Variants in DYNC1H1 observed in about 807,000 individuals in gnomAD.
DYNC1H1 encodes the protein cytoplasmic dynein 1 heavy chain 1.
A neutral mutation model predicts 527.1 loss-of-function variants in DYNC1H1; 51 were observed. The ratio of observed to expected loss-of-function variants is 0.10; its 90% CI spans 0.08 to 0.12. The LOEUF (loss-of-function observed/expected upper bound fraction) is 0.12, where lower values mean the gene tolerates loss of function less well. Ranked by LOEUF, DYNC1H1 falls within the 10% of genes least tolerant of loss-of-function variation. The pLI is 1.00. For missense variants in DYNC1H1, 2,771 were observed against 5,971.8 expected (o/e 0.46, Z 17.66); for synonymous variants, 2,189 against 2,278.8 (o/e 0.96, Z 1.12).
rs1189846612 is a variant in DYNC1H1, at chr14:102,056,270, A to C, written c.*5707A>C. 2 of 152,258 alleles carry C rather than the reference A, an allele frequency of 1.3e-5. No individual in the cohort carries two copies. The highest frequency in any genetic ancestry group is 4.8e-5 in the African/African-American group (2 of 41,456). 9.4% of individuals were successfully genotyped at this position (152,258 alleles called of 1,614,324 possible). A position where few individuals can be genotyped will look rare whatever the true frequency, so the allele number is the denominator to read the frequency against. On this transcript the variant is annotated 3_prime_UTR_variant, in exon 78 of 78. Transcript: ENST00000360184. ...TCTGTTTCACTCTGACTACCAGTGC[A>C]TGAAACCCCTGTCACGTATCCCCCA...
At position 102,040,602 on chromosome 14, in the gene DYNC1H1, T is replaced by C. The variant is rs2048637475; in HGVS notation, c.11870T>C (p.Phe3957Ser). 4 of 1,614,176 alleles carry C rather than the reference T, an allele frequency of 2.5e-6. No homozygotes were observed. Among genetic ancestry groups the C allele is most frequent in the East Asian group, 2.2e-5 (1 of 44,890 alleles). The change falls in exon 64 of 78, where the codon TTT (phenylalanine) becomes TCT (serine). Residue 3957 changes from phenylalanine to serine, a missense_variant. Transcript: ENST00000360184. Reference protein sequence around the residue: ...LIAKVQADEQFGIWLDSSSPE... With the variant: ...LIAKVQADEQSGIWLDSSSPE... ...CTTCCACTATTGTCTCCACAGCAAT[T>C]TGGCATCTGGCTGGACAGCAGCTCC...
Position 102,038,964 on chromosome 14 carries a change from G to T in DYNC1H1, c.11207-37G>T. On this transcript the variant is annotated intron_variant, in intron 59 of 77. Transcript: ENST00000360184. The surrounding 1 kb of genome is among the most constrained non-coding windows in gnomAD (Gnocchi z 7.2). The stretch of plus-strand genomic sequence containing the variant: ...CACTTCTGAGAGCATACCTTTTGAA[G>T]GATTATTGCAAACTCTGGATGTTTT... 1.2e-6 allele frequency: 2 copies of T among 1,613,912 alleles called. No individual in the cohort carries two copies. The highest frequency in any genetic ancestry group is 3.3e-4 in the Middle Eastern group (2 of 6,062).
rs190094426 is a variant in DYNC1H1, at chr14:102,019,921, A to T, written c.8372A>T (p.His2791Leu). Residue 2791 changes from histidine to leucine, a missense_variant, in exon 42 of 78, where the codon CAC (histidine) becomes CTC (leucine). His to Leu is a moderately conservative substitution (Grantham distance 99). Transcript: ENST00000360184. ...AGATTCACCCAGGATACACAACCTC[A>T]CTATATCTATTCACCCCGTGAAATG... ...QERFTQDTQPHYIYSPREMTR... is the reference protein window; with the variant it reads ...QERFTQDTQPLYIYSPREMTR... 1.2e-6 allele frequency: 2 copies of T among 1,614,004 alleles called. No homozygotes were observed. Among genetic ancestry groups the T allele is most frequent in the Non-Finnish European group, 8.5e-7 (1 of 1,180,000 alleles).
Position 102,011,243 on chromosome 14 carries a change from C to A in DYNC1H1, c.6618+291C>A. On this transcript the variant is annotated intron_variant, in intron 32 of 77. Transcript: ENST00000360184. The surrounding 1 kb of genome is among the most constrained non-coding windows in gnomAD (Gnocchi z 5.3). ...TTATACTGATAAAAATTCTGCTTAC[C>A]AGACTTTCCAGTGCCAGAGATGAAC... The A allele has an allele frequency of 2.3e-6, 1 of 444,154 alleles. No homozygotes were observed. Among genetic ancestry groups the A allele is most frequent in the Non-Finnish European group, 4.2e-6 (1 of 239,446 alleles). The allele number at this position is 444,154 out of a possible 1,614,324, so 27.5% of individuals were successfully genotyped here. A position where few individuals can be genotyped will look rare whatever the true frequency, so the allele number is the denominator to read the frequency against.
At chr14:102,025,145 G>C (rs922497812) in intron 43 of DYNC1H1, among the ~76,000 whole-genome samples, 1 of 151,864 alleles carries the variant, frequency 6.6e-6, no homozygotes, top group Admixed American at 6.6e-5. Flanking sequence ...AGACCAGCCT[G>C]CCCAACGTGG....
At chr14:101,981,712 A>G (rs2047866780) in intron 5 of DYNC1H1, among the ~76,000 whole-genome samples, 1 of 152,212 alleles carries the variant, frequency 6.6e-6, no homozygotes, top group African/African-American at 2.4e-5. Flanking sequence ...CGCATTCACT[A>G]TGCTGAAATG....
chr14:102,008,017 T>G (rs1183808795), intron 28 of DYNC1H1, among the ~76,000 whole-genome samples, 161 bp from the exon 29 acceptor site: 2 of 152,196 alleles, frequency 1.3e-5, no homozygotes, highest in Non-Finnish European at 2.9e-5. Flanking sequence ...GCCCCAACCC[T>G]TATGGCCTCA....
In DYNC1H1 at chr14:102,011,752, A is replaced by AG; in HGVS notation, c.6619-121dup. ...GGGTGACAGAGAGAGACTCCGTTTC[A>AG]GGAAAAAAAAAAAAATCCACACATA... On this transcript the variant is annotated intron_variant, in intron 32 of 77. Transcript: ENST00000360184. The surrounding 1 kb of genome is among the most constrained non-coding windows in gnomAD (Gnocchi z 5.3). 9.6e-7 allele frequency: 1 copy of AG among 1,045,112 alleles called. No homozygotes were observed. The highest frequency in any genetic ancestry group is 1.4e-6 in the Non-Finnish European group (1 of 696,278). The allele number at this position is 1,045,112 out of a possible 1,614,324, so 64.7% of individuals were successfully genotyped here.
At chr14:102,013,862 TA>T (rs955775515) in intron 34 of DYNC1H1, among the ~76,000 whole-genome samples, 68 of 152,256 alleles carry the variant, frequency 4.5e-4, no homozygotes, top group African/African-American at 1.5e-3. Flanking sequence ...GGTGACTGAC[TA>T]TGGCTGGAGT....
At position 102,038,672 on chromosome 14, in the gene DYNC1H1, G is replaced by C. The variant is rs1465638002; in HGVS notation, c.11056-26G>C. On this transcript the variant is annotated intron_variant, in intron 58 of 77. Transcript: ENST00000360184. This position sits in a 1 kb window ranked among gnomAD's most constrained non-coding sequence, Gnocchi z 7.2. Reference sequence around the variant, plus strand: ...GTGGTTTTGAAACTGGATTAAGACAGACTGTTCTGTTACCTATTTTGGCAG... The same window carrying C: ...GTGGTTTTGAAACTGGATTAAGACACACTGTTCTGTTACCTATTTTGGCAG... 6.2e-7 allele frequency: 1 copy of C among 1,614,236 alleles called. No homozygotes were observed. Among genetic ancestry groups the C allele is most frequent in the East Asian group, 2.2e-5 (1 of 44,880 alleles).
chr14:102,025,913 C>A (rs2048444540), intron 43 of DYNC1H1, among the ~76,000 whole-genome samples: 1 of 152,084 alleles, frequency 6.6e-6, no homozygotes, highest in Non-Finnish European at 1.5e-5. Flanking sequence ...GTCAAGAGAT[C>A]AAGACCATCC....
In DYNC1H1 at chr14:102,010,236, A is replaced by G. The variant is rs1490889843; in HGVS notation, c.6222-40A>G. ...ACTTGACCCTATTATTGCTTAAAGT[A>G]TACTGTTATTAAAGATAGCCTTTTT... On this transcript the variant is annotated intron_variant, in intron 30 of 77. Transcript: ENST00000360184. The surrounding 1 kb of genome is among the most constrained non-coding windows in gnomAD (Gnocchi z 6.0). 2 of 1,613,656 alleles carry G rather than the reference A, an allele frequency of 1.2e-6. No individual in the cohort carries two copies. The highest frequency in any genetic ancestry group is 1.1e-5 in the South Asian group (1 of 91,014).
intron 56 of DYNC1H1, chr14:102,035,232 A>G (rs755485332): frequency 6.6e-6 from 1 of 152,360 alleles, no homozygotes; most frequent in Non-Finnish European, 1.5e-5. Context: ...TCCGTCTCAA[A>G]AAAATAAAAA....
Position 102,017,886 on chromosome 14 carries a change from C to G in DYNC1H1, c.8177+382C>G. ...CTTTGGGAGGCCGAAGCGGGCAGAT[C>G]ACGAGGTCAGGAGGTTGAGGCCATC... On this transcript the variant is annotated intron_variant, in intron 40 of 77. Transcript: ENST00000360184. The surrounding 1 kb of genome is among the most constrained non-coding windows in gnomAD (Gnocchi z 4.6). 3.0e-6 allele frequency: 1 copy of G among 337,696 alleles called. No individual in the cohort carries two copies. Among genetic ancestry groups the G allele is most frequent in the Non-Finnish European group, 5.7e-6 (1 of 174,286 alleles). The allele number at this position is 337,696 out of a possible 1,614,324, so 20.9% of individuals were successfully genotyped here. A position where few individuals can be genotyped will look rare whatever the true frequency, so the allele number is the denominator to read the frequency against.
rs2048464989 is a variant in DYNC1H1 at position 102,027,610 on chromosome 14, G to A, written c.9049-9G>A. 1.2e-6 allele frequency: 2 copies of A among 1,614,088 alleles called. No homozygotes were observed. The highest frequency in any genetic ancestry group is 2.7e-5 in the African/African-American group (2 of 74,936). On this transcript the variant is annotated splice_polypyrimidine_tract_variant and intron_variant, in intron 46 of 77. Transcript: ENST00000360184. The surrounding 1 kb of genome is among the most constrained non-coding windows in gnomAD (Gnocchi z 7.7). Reference sequence around the variant, plus strand: ...GGGACCAGTAAGTCAGCACTGTGCTGTTTCCCAGGTGCCTGGTCTCTTTGA... The same window carrying A: ...GGGACCAGTAAGTCAGCACTGTGCTATTTCCCAGGTGCCTGGTCTCTTTGA...
chr14:102,039,501 C>T lies in DYNC1H1; in HGVS notation c.11550C>T (p.Thr3850=), dbSNP rs772030587. The change falls in exon 61 of 78, where the codon ACC becomes ACT. Residue 3850 remains threonine, a synonymous_variant. Transcript: ENST00000360184. The surrounding 1 kb of genome is among the most constrained non-coding windows in gnomAD (Gnocchi z 7.0). ...LYENPNLKGV[T]DHTQRLSIIT... is the part of the protein sequence containing the mutation. ...AGAACCCGAACCTGAAGGGTGTCAC[C>T]GACCACACACAGCGCCTGTCCATTA... The T allele has an allele frequency of 5.0e-6, 8 of 1,614,102 alleles. No homozygotes were observed. In the East Asian group the frequency reaches 8.9e-5, roughly 18 times the overall value.
At chr14:102,007,444 A>G (rs180705599) in intron 28 of DYNC1H1, among the ~76,000 whole-genome samples, 3 of 152,360 alleles carry the variant, frequency 2.0e-5, no homozygotes, top group African/African-American at 7.2e-5. Context: ...AAAAAGTGAT[A>G]GAATAAAAAC....
intron 34 of DYNC1H1, among the ~76,000 whole-genome samples, chr14:102,013,039 G>A (rs1204437258): frequency 1.3e-5 from 2 of 152,106 alleles, no homozygotes; most frequent in African/African-American, 4.8e-5. Context: ...CACAAAGTCA[G>A]GAGATTGAGA....
chr14:101,997,311 A>C lies in DYNC1H1; in HGVS notation c.3804+37A>C. On this transcript the variant is annotated intron_variant, in intron 16 of 77. Coordinates refer to ENST00000360184, the MANE Select transcript of DYNC1H1 (RefSeq NM_001376.5). The surrounding 1 kb of genome is among the most constrained non-coding windows in gnomAD (Gnocchi z 4.8). ...CAGGTGGGGACGCAGGAGACTCCTC[A>C]CCCAGCAGTGTGATTTGGTGACTTT... The C allele has an allele frequency of 1.2e-6, 2 of 1,613,702 alleles. No homozygotes were observed. The highest frequency in any genetic ancestry group is 1.7e-6 in the Non-Finnish European group (2 of 1,179,924).
Sources: allele counts gnomAD v4.1 joint callset (sites outside exome capture counted in the v4.1 genomes callset), GRCh38; gene constraint gnomAD v4.1.1; non-coding constraint Gnocchi (gnomAD v3.1); transcripts MANE v1.5; gene names NCBI Gene and HGNC (gene_info 2026-07-23, HGNC 2026-07-21).